Variants in OGFOD1 observed in about 807,000 individuals in gnomAD.
OGFOD1 encodes 2-oxoglutarate and iron dependent oxygenase domain containing 1, also known as prolyl 3-hydroxylase OGFOD1.
In OGFOD1, 54 loss-of-function variants were observed where a neutral mutation model predicts 67.7. The observed-to-expected ratio is 0.80, with a 90% CI of 0.64 to 1.00. OGFOD1 has a LOEUF of 1.00. OGFOD1 is among the 50% of genes least tolerant of loss of function. The pLI is 0.00. For missense variants in OGFOD1, 606 were observed against 646.7 expected, an observed-to-expected ratio of 0.94 and a Z score of 0.68; for synonymous variants, 221 against 227.0, an observed-to-expected ratio of 0.97 and a Z score of 0.24.
chr16:56,467,052 CTTG>C, intron 6 of OGFOD1, 85 bp downstream of exon 6: 1 of 1,539,292 alleles, frequency 6.5e-7, no homozygotes, highest in Non-Finnish European at 9.0e-7. Flanking sequence ...TCCTGTTAGA[CTTG>C]TTATCTGATG....
chr16:56,466,105 C>A, intron 4 of OGFOD1, 47 bp from the exon 5 acceptor site: 2 of 1,345,672 alleles, frequency 1.5e-6, no homozygotes, highest in Non-Finnish European at 2.1e-6. Flanking sequence ...CAGGTGTCAG[C>A]TGGTCACTAT....
In OGFOD1 at chr16:56,451,832, G is replaced by C. The variant is rs544506860; in HGVS notation, c.154+66G>C. The stretch of plus-strand genomic sequence containing the variant: ...CTAGGGATCTCTGAAAAAGCCCTGG[G>C]ACTCGCGCCCAGCCTTGGGCAGCGG... On this transcript the variant is annotated intron_variant, in intron 1 of 12. Transcript: ENST00000566157. 4 of 1,561,316 alleles carry C rather than the reference G, an allele frequency of 2.6e-6. No homozygotes were observed. In the Admixed American group the frequency reaches 7.6e-5, roughly 30 times the overall value.
At chr16:56,475,030 C>G (rs1469401470) in intron 11 of OGFOD1, 80 bp downstream of exon 11, 30 of 1,450,466 alleles carry the variant, frequency 2.1e-5, no homozygotes, top group Non-Finnish European at 2.9e-5. Context: ...CCAGCTGAAC[C>G]AATTCATAAG....
chr16:56,453,613 ACAGTGC>A, intron 2 of OGFOD1: 2 of 467,982 alleles, frequency 4.3e-6, no homozygotes, highest in Non-Finnish European at 7.6e-6. Flanking sequence ...GAAGCCTTAG[ACAGTGC>A]CTGCCCTGTA....
At chr16:56,472,925 T>TTTTGGTTTGG (rs55711786) in intron 10 of OGFOD1, among the ~76,000 whole-genome samples, 8 of 151,452 alleles carry the variant, frequency 5.3e-5, no homozygotes, top group South Asian at 2.1e-4. Context: ...GCTTTTTTTG[T>TTTTGGTTTGG]TTTGGTTTGG....
chr16:56,469,953 G>T (rs765381729), intron 8 of OGFOD1, 50 bp from the exon 9 acceptor site: 2 of 1,518,808 alleles, frequency 1.3e-6, no homozygotes, highest in Admixed American at 1.7e-5. Context: ...AAACCAGTGC[G>T]GGGTAATAGG....
At chr16:56,475,168 C>T (rs561396532) in intron 11 of OGFOD1, among the ~76,000 whole-genome samples, 1 of 152,244 alleles carries the variant, frequency 6.6e-6, no homozygotes, top group Admixed American at 6.5e-5. Flanking sequence ...GGAGATGGAC[C>T]ACACCATAAT....
chr16:56,473,734 C>T (rs1399923353), intron 10 of OGFOD1, among the ~76,000 whole-genome samples: 1 of 151,624 alleles, frequency 6.6e-6, no homozygotes, highest in Admixed American at 6.6e-5. Flanking sequence ...CCTGTCATTA[C>T]CTCAGTGTAT....
chr16:56,465,909 A>G (rs944339647), intron 4 of OGFOD1: 8 of 346,644 alleles, frequency 2.3e-5, no homozygotes, highest in Middle Eastern at 1.6e-3. Flanking sequence ...ATATGTAAAA[A>G]TATTGTTAGC....
chr16:56,461,650 A>G (rs945573863), intron 3 of OGFOD1, among the ~76,000 whole-genome samples: 5 of 152,208 alleles, frequency 3.3e-5, no homozygotes, highest in Admixed American at 6.5e-5. Flanking sequence ...GGGCAGTCTC[A>G]TGGGACTAAG....
intron 4 of OGFOD1, among the ~76,000 whole-genome samples, chr16:56,463,270 C>A (rs1262475986): frequency 6.6e-6 from 1 of 151,404 alleles, no homozygotes; most frequent in Non-Finnish European, 1.5e-5. Flanking sequence ...AGTGTACTCT[C>A]ATACACTGTC....
intron 10 of OGFOD1, among the ~76,000 whole-genome samples, chr16:56,472,311 C>T (rs1430650711): frequency 3.9e-5 from 6 of 152,218 alleles, no homozygotes; most frequent in Non-Finnish European, 5.9e-5. Context: ...TTCATTTTTA[C>T]GGGAACCTGC....
In OGFOD1 at chr16:56,469,160, G is replaced by A. The variant is rs571609129; in HGVS notation, c.901-843G>A. ...AACTGATAGGACTGCTTGGGAAACT[G>A]CATTAAACAAATAAATGGAAAGCCT... is the stretch of plus-strand genomic sequence containing the variant. On this transcript the variant is annotated intron_variant, in intron 8 of 12. Coordinates refer to ENST00000566157, the MANE Select transcript of OGFOD1 (RefSeq NM_018233.4). 4.9e-4 allele frequency among the ~76,000 whole-genome samples: 74 copies of A among 152,270 alleles called. 1 individual carries two copies. The highest frequency in any genetic ancestry group is 1.7e-3 in the African/African-American group (71 of 41,548).
intron 10 of OGFOD1, among the ~76,000 whole-genome samples, chr16:56,472,741 G>A (rs1456539146): frequency 4.6e-5 from 7 of 152,050 alleles, no homozygotes; most frequent in African/African-American, 1.4e-4. Context: ...ATACACATAT[G>A]GGGGGTATAT....
At chr16:56,475,439 G>T in intron 11 of OGFOD1, 68 bp from the exon 12 acceptor site, 1 of 1,411,354 alleles carries the variant, frequency 7.1e-7, no homozygotes, top group South Asian at 1.2e-5. Flanking sequence ...TGGGATCAGT[G>T]ATTTAAGTAG....
Position 56,470,609 on chromosome 16 carries a change from TG to T in OGFOD1, c.1105del (p.Ala369ProfsTer8). The T allele has an allele frequency of 6.2e-7, 1 of 1,614,190 alleles. No individual in the cohort carries two copies. Among genetic ancestry groups the T allele is most frequent in the Non-Finnish European group, 8.5e-7 (1 of 1,180,044 alleles). ...TTCACAGGCCTGAAGCTTCATTTCTTGGCCCCTTCGGAAGAAGATGAGATGA... is the reference window on the plus strand; with the variant it reads ...TTCACAGGCCTGAAGCTTCATTTCTTGCCCCTTCGGAAGAAGATGAGATGA... The part of the protein sequence containing the change: ...SNFTGLKLHF[L>X]APSEEDEMND... On this transcript the variant is annotated frameshift_variant, in exon 10 of 13. Transcript: ENST00000566157. LOFTEE classifies it high-confidence loss of function.
intron 7 of OGFOD1, 97 bp downstream of exon 7, chr16:56,467,390 C>A: frequency 7.6e-7 from 1 of 1,315,574 alleles, no homozygotes; most frequent in Non-Finnish European, 1.1e-6. Flanking sequence ...GAAACTGGAC[C>A]TTGAGCTTGC....
chr16:56,451,577 T>C lies in OGFOD1; in HGVS notation c.-36T>C, dbSNP rs1195051232. ...CAGTACCCTCAGGAAGGTAGCGTCT[T>C]GATCTGCGTGGCGTGGTTCTGTGCC... is the stretch of plus-strand genomic sequence containing the variant. On this transcript the variant is annotated 5_prime_UTR_variant, in exon 1 of 13. Coordinates refer to ENST00000566157, the MANE Select transcript of OGFOD1 (RefSeq NM_018233.4). The C allele has an allele frequency of 6.2e-7, 1 of 1,610,790 alleles. No individual in the cohort carries two copies. The highest frequency in any genetic ancestry group is 1.7e-5 in the Admixed American group (1 of 59,860).
rs780674570 is a variant in OGFOD1 at position 56,474,899 on chromosome 16, C to G, written c.1357C>G (p.His453Asp). ...KTGHYTLIHD[H>D]SKAEFALDLI... ...CGGTCACTACACTTTAATTCATGAC[C>G]ATAGCAAGGCTGAATTTGCCCTAGA... Residue 453 changes from histidine to aspartate, a missense_variant, in exon 11 of 13, where the codon CAT becomes GAT. Physicochemically the swap from His to Asp is moderately conservative, Grantham distance 81. Transcript: ENST00000566157. 1 of 1,613,668 alleles carries G rather than the reference C, an allele frequency of 6.2e-7. No individual in the cohort carries two copies. The highest frequency in any genetic ancestry group is 2.2e-5 in the East Asian group (1 of 44,866).
Sources: gnomAD v4.1 joint callset for allele counts (sites outside exome capture counted in the v4.1 genomes callset) on GRCh38, gnomAD v4.1.1 for gene constraint, MANE v1.5 for transcripts, NCBI Gene and HGNC (gene_info 2026-07-23, HGNC 2026-07-21) for gene names.